Variants in SUPT3H observed in about 807,000 individuals in gnomAD.
SUPT3H encodes SPT3 homolog, SAGA and STAGA complex component.
A neutral mutation model predicts 44.3 loss-of-function variants in SUPT3H; 44 were observed. The observed-to-expected ratio is 0.99, with a 90% confidence interval of 0.78 to 1.28. The LOEUF (loss-of-function observed/expected upper bound fraction) is 1.28. Among genes scored for constraint, SUPT3H ranks in the 50% most tolerant of loss-of-function variants. The pLI is 0.00. For missense variants in SUPT3H, 380 were observed against 387.1 expected, an observed-to-expected ratio of 0.98 and a Z score of 0.15; for synonymous variants, 124 against 125.6, an observed-to-expected ratio of 0.99 and a Z score of 0.09.
chr6:45,024,982 G>A (rs1333427001), intron 3 of SUPT3H, among the ~76,000 whole-genome samples: 1 of 152,124 alleles, frequency 6.6e-6, no homozygotes, highest in African/African-American at 2.4e-5. Context: ...TCTACACATT[G>A]GCTTTCCTGG....
At chr6:45,297,147 T>C (rs1378395133) in intron 2 of SUPT3H, among the ~76,000 whole-genome samples, 1 of 151,450 alleles carries the variant, frequency 6.6e-6, no homozygotes, top group African/African-American at 2.4e-5. Context: ...TAAAGCCAGG[T>C]TTCAGACATC....
chr6:45,304,115 G>C (rs961512912), intron 2 of SUPT3H, among the ~76,000 whole-genome samples: 1 of 152,178 alleles, frequency 6.6e-6, no homozygotes, highest in African/African-American at 2.4e-5. Flanking sequence ...ATCAGGATCA[G>C]TAAGAGTTAG....
At chr6:45,077,978 G>C (rs927105623) in intron 3 of SUPT3H, among the ~76,000 whole-genome samples, 2 of 152,082 alleles carry the variant, frequency 1.3e-5, no homozygotes, top group Admixed American at 1.3e-4. Context: ...ACTGGTTGGG[G>C]GGGTGGGGGA....
At chr6:44,866,977 A>C (rs1452545428) in intron 10 of SUPT3H, among the ~76,000 whole-genome samples, 1 of 152,210 alleles carries the variant, frequency 6.6e-6, no homozygotes, top group Non-Finnish European at 1.5e-5. Flanking sequence ...TATGGAAAGG[A>C]GAGTGAAAGG....
Position 45,181,919 on chromosome 6 carries a change from C to T in SUPT3H, c.102-75913G>A, listed in dbSNP as rs935400237. Among the ~76,000 whole-genome samples the T allele has an allele frequency of 2.6e-5, 4 of 151,710 alleles. 1 individual carries two copies. The highest frequency in any genetic ancestry group is 2.6e-4 in the Admixed American group (4 of 15,254). ...AATAAATAATAAAACTATACCTTGTCTAATAAAACTGCTTTTGAAAGTGCT... is the reference window on the plus strand; with the variant it reads ...AATAAATAATAAAACTATACCTTGTTTAATAAAACTGCTTTTGAAAGTGCT... On this transcript the variant is annotated intron_variant, in intron 2 of 10. Coordinates refer to ENST00000371459, the MANE Select transcript of SUPT3H (RefSeq NM_003599.4).
chr6:45,139,499 A>C (rs1377562952), intron 2 of SUPT3H, among the ~76,000 whole-genome samples: 1 of 152,162 alleles, frequency 6.6e-6, no homozygotes, highest in African/African-American at 2.4e-5. Context: ...AAACTGAAAG[A>C]ATTCACAGAT....
chr6:44,820,248 T>A (rs184843360), intron 11 of SUPT3H, among the ~76,000 whole-genome samples: 1 of 152,138 alleles, frequency 6.6e-6, no homozygotes, highest in Non-Finnish European at 1.5e-5. Context: ...TCAAATAAAA[T>A]TTGACATAAT....
intron 10 of SUPT3H, among the ~76,000 whole-genome samples, chr6:44,858,528 A>G (rs1038285789): frequency 3.3e-5 from 5 of 152,178 alleles, no homozygotes; most frequent in Non-Finnish European, 5.9e-5. Context: ...CTCGGAGCAA[A>G]GGTGAAGTGA....
chr6:44,884,797 C>T (rs901138444), intron 10 of SUPT3H, among the ~76,000 whole-genome samples: 6 of 152,078 alleles, frequency 3.9e-5, no homozygotes, highest in African/African-American at 1.4e-4. Context: ...GTGGGCGAGC[C>T]GAAGCAGGGC....
intron 10 of SUPT3H, among the ~76,000 whole-genome samples, chr6:44,884,316 G>A (rs1181200104): frequency 6.6e-6 from 1 of 152,068 alleles, no homozygotes; most frequent in Admixed American, 6.6e-5. Context: ...ACCATCTCAC[G>A]CCAGTTAGAA....
At chr6:45,115,596 CAAACA>C (rs891217569) in intron 2 of SUPT3H, among the ~76,000 whole-genome samples, 1 of 151,944 alleles carries the variant, frequency 6.6e-6, no homozygotes, top group Admixed American at 6.6e-5. Flanking sequence ...TTTAAACAAA[CAAACA>C]AAACAACTTC....
chr6:45,163,523 T>A (rs1809371929), intron 2 of SUPT3H, among the ~76,000 whole-genome samples: 2 of 152,292 alleles, frequency 1.3e-5, no homozygotes, highest in South Asian at 4.1e-4. Flanking sequence ...CAATTGGAAA[T>A]CATTCTTTTC....
intron 2 of SUPT3H, among the ~76,000 whole-genome samples, chr6:45,256,429 T>C (rs1297481316): frequency 6.6e-6 from 1 of 152,140 alleles, no homozygotes; most frequent in Non-Finnish European, 1.5e-5. Context: ...CAAGCCTCTT[T>C]TATAAGGGTA....
intron 11 of SUPT3H, among the ~76,000 whole-genome samples, chr6:44,817,667 A>G (rs1223340440): frequency 1.3e-5 from 2 of 149,612 alleles, no homozygotes; most frequent in Admixed American, 1.3e-4. Flanking sequence ...ACAAAAATCA[A>G]TTTTATTTCT....
chr6:45,361,976 G>A (rs1177864289), intron 2 of SUPT3H, among the ~76,000 whole-genome samples: 1 of 152,090 alleles, frequency 6.6e-6, no homozygotes, highest in African/African-American at 2.4e-5. Context: ...ACTTGAGGCC[G>A]GGAGGCAGAG....
chr6:45,364,345 C>T (rs188610696), intron 2 of SUPT3H, among the ~76,000 whole-genome samples: 111 of 152,264 alleles, frequency 7.3e-4, no homozygotes, highest in African/African-American at 2.6e-3. Context: ...GTAATCATCA[C>T]ATAGTGACGT....
intron 2 of SUPT3H, among the ~76,000 whole-genome samples, chr6:45,175,168 C>G (rs184527595): frequency 6.6e-6 from 1 of 151,442 alleles, no homozygotes; most frequent in Admixed American, 6.6e-5. Context: ...ATATATATAC[C>G]GTATATGTTT....
intron 9 of SUPT3H, among the ~76,000 whole-genome samples, chr6:44,945,351 C>G (rs1169743832): frequency 1.3e-5 from 2 of 152,148 alleles, no homozygotes; most frequent in Non-Finnish European, 2.9e-5. Context: ...AGTTGCATGT[C>G]TCTCACTTTA....
rs1768057662 is a variant in SUPT3H, at chr6:44,828,554, C to T, written c.*1262G>A. Among the ~76,000 whole-genome samples the T allele has an allele frequency of 6.6e-6, 1 of 152,050 alleles. No individual in the cohort carries two copies. The highest frequency in any genetic ancestry group is 6.6e-5 in the Admixed American group (1 of 15,254). ...TCGCAACTATTACAATATAAGAAGGCAGGAAAGCTAATGACATAACCTCTA... is the reference window on the plus strand; with the variant it reads ...TCGCAACTATTACAATATAAGAAGGTAGGAAAGCTAATGACATAACCTCTA... On this transcript the variant is annotated 3_prime_UTR_variant, in exon 11 of 11. Coordinates refer to ENST00000371459, the MANE Select transcript of SUPT3H (RefSeq NM_003599.4).
Sources: gnomAD v4.1 joint callset for allele counts (sites outside exome capture counted in the v4.1 genomes callset) on GRCh38, gnomAD v4.1.1 for gene constraint, MANE v1.5 for transcripts, NCBI Gene and HGNC (gene_info 2026-07-23, HGNC 2026-07-21) for gene names.